Variants in PRKN observed in about 807,000 individuals in gnomAD.
PRKN encodes E3 ubiquitin-protein ligase parkin.
PRKN carries 56 observed loss-of-function variants against 59.5 expected under a neutral mutation model. That is an observed-to-expected ratio of 0.94 (90% CI 0.76 to 1.18). The LOEUF is 1.18. Ranked by LOEUF, PRKN falls within the 50% of genes most tolerant of loss-of-function variation. The probability of loss-of-function intolerance (pLI) is 0.00; values close to 1 mark genes in which losing one functional copy is unlikely to be tolerated. For missense variants in PRKN, 657 were observed against 596.4 expected (o/e 1.10, Z -1.06); for synonymous variants, 250 against 222.1 (o/e 1.13, Z -1.12).
intron 1 of PRKN, among the ~76,000 whole-genome samples, chr6:162,717,838 A>G (rs1778787705): frequency 1.3e-5 from 2 of 152,350 alleles, no homozygotes; most frequent in South Asian, 4.1e-4. Flanking sequence ...TATCTGACAT[A>G]ATTTGACACA....
rs1583213642 is a variant in PRKN, at chr6:161,546,928, T to G, written c.1083+1926A>C. 6.6e-6 allele frequency among the ~76,000 whole-genome samples: 1 copy of G among 152,240 alleles called. No individual in the cohort carries two copies. Among genetic ancestry groups the G allele is most frequent in the East Asian group, 1.9e-4 (1 of 5,174 alleles). On this transcript the variant is annotated intron_variant, in intron 9 of 11. Coordinates refer to ENST00000366898, the MANE Select transcript of PRKN (RefSeq NM_004562.3). The surrounding 1 kb of genome is among the most constrained non-coding windows in gnomAD (Gnocchi z 4.4). ...CCAGTGAGGAACTGAGGACTTTTTT[T>G]GCCAACAGTCATGTGAATGAGCTAC...
chr6:162,716,522 T>G (rs1342220896), intron 1 of PRKN, among the ~76,000 whole-genome samples: 2 of 152,164 alleles, frequency 1.3e-5, no homozygotes, highest in Non-Finnish European at 2.9e-5. Flanking sequence ...TGCTTCCACT[T>G]TGCCTGATCA....
At position 161,703,839 on chromosome 6, in the gene PRKN, CTTTTTTTTTTTTTTTTTT is replaced by C. The variant is rs71004062; in HGVS notation, c.871+81915_871+81932del. Among the ~76,000 whole-genome samples the C allele has an allele frequency of 9.4e-4, 56 of 59,852 alleles. 3 individuals are homozygous for C. Among genetic ancestry groups the C allele is most frequent in the African/African-American group, 3.0e-3 (50 of 16,786 alleles). The allele number at this position is 59,852 out of a possible 152,430, so 39.3% of individuals were successfully genotyped here. A position where few individuals can be genotyped will look rare whatever the true frequency, so the allele number is the denominator to read the frequency against. ...CACACATCTCTCTCTCTCTCTCTCT[CTTTTTTTTTTTTTTTTTT>C]TTTTTTTTTTTTTTTTTTTACAGAG... On this transcript the variant is annotated intron_variant, in intron 7 of 11. Transcript: ENST00000366898.
intron 7 of PRKN, among the ~76,000 whole-genome samples, chr6:161,612,553 T>C (rs1485539035): frequency 1.3e-5 from 2 of 151,782 alleles, no homozygotes; most frequent in African/African-American, 4.8e-5. Flanking sequence ...AAACCCCCTC[T>C]CTACTAAAAA....
Position 162,175,875 on chromosome 6 carries a change from C to T in PRKN, c.534+25256G>A, listed in dbSNP as rs147078358. Among the ~76,000 whole-genome samples, 514 of 152,284 alleles carry T rather than the reference C, an allele frequency of 3.4e-3. 6 individuals carry two copies. Among genetic ancestry groups the T allele is most frequent in the Non-Finnish European group, 4.8e-3 (324 of 68,016 alleles). Reference sequence around the variant, plus strand: ...CAGTCTCAGTAAATATCTGTGCTGCCCCATCTCCATGAATTCTCCATATAA... The same window carrying T: ...CAGTCTCAGTAAATATCTGTGCTGCTCCATCTCCATGAATTCTCCATATAA... On this transcript the variant is annotated intron_variant, in intron 4 of 11. Coordinates refer to ENST00000366898, the MANE Select transcript of PRKN (RefSeq NM_004562.3).
chr6:162,115,586 A>C (rs1382316303), intron 4 of PRKN, among the ~76,000 whole-genome samples: 1 of 151,868 alleles, frequency 6.6e-6, no homozygotes, highest in African/African-American at 2.4e-5. Context: ...AGATTTTAAA[A>C]TATTTCCCAA....
At chr6:161,441,676 C>CT (rs1447830305) in intron 9 of PRKN, among the ~76,000 whole-genome samples, 2 of 142,810 alleles carry the variant, frequency 1.4e-5, no homozygotes, top group African/African-American at 5.2e-5. Flanking sequence ...AAAAAAGGAT[C>CT]TGAGGATCTG....
intron 7 of PRKN, among the ~76,000 whole-genome samples, chr6:161,638,107 G>A (rs1461392038): frequency 6.6e-6 from 1 of 151,796 alleles, no homozygotes; most frequent in Non-Finnish European, 1.5e-5. Flanking sequence ...TTTGCACAGA[G>A]CCTTGCAGTC....
At position 161,352,771 on chromosome 6, in the gene PRKN, AT is replaced by A. The variant is rs1554251152; in HGVS notation, c.1286-2561del. On this transcript the variant is annotated intron_variant, in intron 11 of 11. Transcript: ENST00000366898. The surrounding 1 kb of genome is among the most constrained non-coding windows in gnomAD (Gnocchi z 5.8). Reference sequence around the variant, plus strand: ...TGTGTGTGTGTATATATATATATATATTTTATTTTATTTTATTTTATTTTTT... The same window carrying A: ...TGTGTGTGTGTATATATATATATATATTTATTTTATTTTATTTTATTTTTT... 7.7e-5 allele frequency among the ~76,000 whole-genome samples: 9 copies of A among 116,874 alleles called. No homozygotes were observed. The highest frequency in any genetic ancestry group is 2.5e-4 in the South Asian group (1 of 3,982). 76.7% of individuals were successfully genotyped at this position (116,874 alleles called of 152,430 possible). A position where few individuals can be genotyped will look rare whatever the true frequency, so the allele number is the denominator to read the frequency against.
At chr6:161,587,116 TG>T (rs1261546918) in intron 7 of PRKN, among the ~76,000 whole-genome samples, 4 of 152,224 alleles carry the variant, frequency 2.6e-5, no homozygotes, top group Non-Finnish European at 5.9e-5. Flanking sequence ...AACAAATCAA[TG>T]ATACTTACAC....
chr6:161,976,822 A>T (rs1194447992), intron 5 of PRKN, among the ~76,000 whole-genome samples: 1 of 152,252 alleles, frequency 6.6e-6, no homozygotes, highest in Non-Finnish European at 1.5e-5. Context: ...AAATAGATAG[A>T]AAGCACTTAC....
intron 9 of PRKN, among the ~76,000 whole-genome samples, chr6:161,408,556 TCTTTCATTTTTCCA>T (rs1486344816): frequency 3.3e-5 from 5 of 151,058 alleles, no homozygotes; most frequent in African/African-American, 1.2e-4. Context: ...TAATAAAAAC[TCTTTCATTTTTCCA>T]CTTAACAATA....
At chr6:162,205,547 T>C (rs937112996) in intron 3 of PRKN, among the ~76,000 whole-genome samples, 2 of 152,118 alleles carry the variant, frequency 1.3e-5, no homozygotes, top group Admixed American at 1.3e-4. Context: ...AGATTTAACA[T>C]ATTTCTTACC....
At chr6:162,028,742 T>C (rs1043754610) in intron 5 of PRKN, among the ~76,000 whole-genome samples, 1 of 152,170 alleles carries the variant, frequency 6.6e-6, no homozygotes, top group Non-Finnish European at 1.5e-5. Flanking sequence ...TGGGAGCTAC[T>C]AACCTGGAAG....
chr6:162,147,335 T>C, intron 4 of PRKN, among the ~76,000 whole-genome samples: 1 of 129,290 alleles, frequency 7.7e-6, no homozygotes, highest in African/African-American at 3.0e-5. Context: ...AGAGGAAGAC[T>C]CTGTCTCAGA....
intron 10 of PRKN, among the ~76,000 whole-genome samples, chr6:161,374,828 T>C (rs565653414): frequency 6.4e-4 from 98 of 152,232 alleles, no homozygotes; most frequent in Non-Finnish European, 1.2e-3. Context: ...TGCTTGTTTA[T>C]GGAGTCTAGT....
intron 2 of PRKN, among the ~76,000 whole-genome samples, chr6:162,267,644 C>A (rs1477361987): frequency 6.6e-6 from 1 of 152,280 alleles, no homozygotes; most frequent in Middle Eastern, 3.4e-3. Flanking sequence ...ACAAATTCTT[C>A]AGTGTAGACA....
In PRKN at chr6:161,407,756, T is replaced by C. The variant is rs188012013; in HGVS notation, c.1084-20879A>G. 2.0e-5 allele frequency among the ~76,000 whole-genome samples: 3 copies of C among 152,260 alleles called. No homozygotes were observed. Among genetic ancestry groups the C allele is most frequent in the African/African-American group, 7.2e-5 (3 of 41,546 alleles). On this transcript the variant is annotated intron_variant, in intron 9 of 11. Transcript: ENST00000366898. This position sits in a 1 kb window ranked among gnomAD's most constrained non-coding sequence, Gnocchi z 4.9. ...AACAGCCAGCTCCTGCCATAACTGATTGACCAACCTTATGACATTCCACCA... is the reference window on the plus strand; with the variant it reads ...AACAGCCAGCTCCTGCCATAACTGACTGACCAACCTTATGACATTCCACCA...
At chr6:161,737,389 G>A (rs948122644) in intron 7 of PRKN, among the ~76,000 whole-genome samples, 2 of 152,220 alleles carry the variant, frequency 1.3e-5, no homozygotes, top group African/African-American at 4.8e-5. Context: ...AAGAGCAGAG[G>A]CAGGGATGGA....
Sources: gnomAD v4.1 joint callset for allele counts (sites outside exome capture counted in the v4.1 genomes callset) on GRCh38, gnomAD v4.1.1 for gene constraint, Gnocchi (gnomAD v3.1) non-coding constraint, MANE v1.5 for transcripts, NCBI Gene and HGNC (gene_info 2026-07-23, HGNC 2026-07-21) for gene names.